ABLIM1: variants seen among roughly 807,000 people sequenced by gnomAD.
ABLIM1 encodes actin binding LIM protein 1.
A neutral mutation model predicts 107.0 loss-of-function variants in ABLIM1; 40 were observed. The observed-to-expected ratio is 0.37, with a 90% CI of 0.29 to 0.49. ABLIM1 has a LOEUF of 0.49. Ranked by LOEUF, ABLIM1 falls within the 20% of genes least tolerant of loss-of-function variation. ABLIM1 has a pLI of 0.97. For missense variants in ABLIM1, 857 were observed against 1,008.5 expected, an observed-to-expected ratio of 0.85 and a Z score of 2.04; for synonymous variants, 357 against 357.3, an observed-to-expected ratio of 1.00 and a Z score of 0.01.
intron 2 of ABLIM1, among the ~76,000 whole-genome samples, chr10:114,589,154 T>TA (rs199879862): frequency 0.022 from 3,354 of 151,214 alleles, 107 homozygotes; most frequent in African/African-American, 0.069. Context: ...ACAAGGATAT[T>TA]AAAAAAGAAA....
chr10:114,799,556 C>T, the ABLIM1 span, among the ~76,000 whole-genome samples: 1 of 152,204 alleles, frequency 6.6e-6, no homozygotes, highest in Non-Finnish European at 1.5e-5. Context: ...ATCTTAGCAT[C>T]ATCCTTTGCC....
chr10:114,712,860 C>T (rs549694191), intron 1 of ABLIM1, among the ~76,000 whole-genome samples: 2 of 152,096 alleles, frequency 1.3e-5, no homozygotes, highest in Admixed American at 6.6e-5. Context: ...AATGGATTGC[C>T]CCGACTTAGA....
At chr10:114,678,009 C>A (rs1158040065) in intron 1 of ABLIM1, among the ~76,000 whole-genome samples, 1 of 152,090 alleles carries the variant, frequency 6.6e-6, no homozygotes, top group East Asian at 1.9e-4. Context: ...GCATGGTTTC[C>A]TGATGGTTAA....
intron 1 of ABLIM1, among the ~76,000 whole-genome samples, chr10:114,617,564 A>G (rs1206010067): frequency 6.6e-6 from 1 of 151,892 alleles, no homozygotes; most frequent in African/African-American, 2.4e-5. Flanking sequence ...CACTGTGCCC[A>G]GCTTCTCACC....
At chr10:114,463,871 G>C (rs1027950259) in intron 12 of ABLIM1, among the ~76,000 whole-genome samples, 4 of 152,164 alleles carry the variant, frequency 2.6e-5, no homozygotes, top group African/African-American at 9.7e-5. Flanking sequence ...CTTCACTTTG[G>C]AAGGGCAGCC....
At chr10:114,584,300 T>G (rs980362285) in intron 2 of ABLIM1, among the ~76,000 whole-genome samples, 1 of 152,172 alleles carries the variant, frequency 6.6e-6, no homozygotes, top group Non-Finnish European at 1.5e-5. Flanking sequence ...TACCAAATGC[T>G]TCCCATCTTC....
the ABLIM1 span, chr10:114,776,271 C>T: frequency 6.6e-6 from 1 of 151,738 alleles, no homozygotes; most frequent in Non-Finnish European, 1.5e-5. Flanking sequence ...CTGCAGCTGC[C>T]CTTACTGTTG....
intron 1 of ABLIM1, among the ~76,000 whole-genome samples, chr10:114,729,385 T>C (rs964373825): frequency 6.6e-6 from 1 of 152,128 alleles, no homozygotes; most frequent in African/African-American, 2.4e-5. Flanking sequence ...ATGAGGACTC[T>C]ATTTTAAAAA....
At chr10:114,648,040 G>A (rs536287385) in intron 1 of ABLIM1, among the ~76,000 whole-genome samples, 21 of 152,320 alleles carry the variant, frequency 1.4e-4, no homozygotes, top group African/African-American at 3.8e-4. Flanking sequence ...TTCACTTTGA[G>A]GGAATAGCTT....
At chr10:114,443,691 A>G (rs1048806215) in intron 17 of ABLIM1, among the ~76,000 whole-genome samples, 19 of 150,312 alleles carry the variant, frequency 1.3e-4, no homozygotes, top group African/African-American at 2.0e-4. Context: ...AAAAAAAAAA[A>G]AAGAAGAAGA....
intron 1 of ABLIM1, among the ~76,000 whole-genome samples, chr10:114,751,266 T>G (rs2082504633): frequency 6.6e-6 from 1 of 151,950 alleles, no homozygotes; most frequent in Non-Finnish European, 1.5e-5. Flanking sequence ...ACAAAAGATG[T>G]AAGTCTGAGA....
intron 1 of ABLIM1, among the ~76,000 whole-genome samples, chr10:114,730,215 T>C (rs1243012143): frequency 6.6e-6 from 1 of 151,938 alleles, no homozygotes; most frequent in Non-Finnish European, 1.5e-5. Context: ...CTGGGAAACA[T>C]GGTGAAACCC....
At chr10:114,664,233 C>G (rs2079914034) in intron 1 of ABLIM1, among the ~76,000 whole-genome samples, 1 of 152,142 alleles carries the variant, frequency 6.6e-6, no homozygotes, top group African/African-American at 2.4e-5. Flanking sequence ...AAATCAGTGC[C>G]AGGCCCTTCT....
chr10:114,628,751 G>T (rs1185230116), intron 1 of ABLIM1, among the ~76,000 whole-genome samples: 2 of 152,158 alleles, frequency 1.3e-5, no homozygotes, highest in African/African-American at 2.4e-5. Flanking sequence ...TACTTAAAAT[G>T]AGTGTTTATA....
intron 13 of ABLIM1, among the ~76,000 whole-genome samples, chr10:114,452,208 T>C (rs923445340): frequency 2.6e-5 from 4 of 152,038 alleles, no homozygotes; most frequent in African/African-American, 9.7e-5. Context: ...GTTCAACAAA[T>C]CCTAATTTAT....
rs1555173409 is a variant in ABLIM1 at position 114,557,671 on chromosome 10, G to GTTTTGTTTTTTTTTTT, written c.674-9896_674-9895insAAAAAAAAAAACAAAA. ...TGACCCAATAGCTCCATAGTGAGGT[G>GTTTTGTTTTTTTTTTT]TTTTTTTTTTTTTTTTTTTTTTGGA... On this transcript the variant is annotated intron_variant, in intron 4 of 22. Transcript: ENST00000533213. 6.9e-5 allele frequency among the ~76,000 whole-genome samples: 5 copies of GTTTTGTTTTTTTTTTT among 72,484 alleles called. 2 individuals carry two copies. The highest frequency in any genetic ancestry group is 3.4e-4 in the African/African-American group (5 of 14,812). The allele number at this position is 72,484 out of a possible 152,430, so 47.6% of individuals were successfully genotyped here. A position where few individuals can be genotyped will look rare whatever the true frequency, so the allele number is the denominator to read the frequency against.
intron 3 of ABLIM1, among the ~76,000 whole-genome samples, chr10:114,575,071 T>C (rs553017560): frequency 3.3e-5 from 5 of 149,866 alleles, no homozygotes; most frequent in African/African-American, 1.3e-4. Context: ...CACACACACA[T>C]GCCTAGGAAT....
At chr10:114,680,768 T>C (rs1172349591) in intron 1 of ABLIM1, among the ~76,000 whole-genome samples, 1 of 152,238 alleles carries the variant, frequency 6.6e-6, no homozygotes, top group East Asian at 1.9e-4. Flanking sequence ...CTCAGGTCAT[T>C]ACATAATGTC....
chr10:114,475,684 G>A (rs2056254608), intron 8 of ABLIM1, among the ~76,000 whole-genome samples: 1 of 152,138 alleles, frequency 6.6e-6, no homozygotes, highest in Middle Eastern at 3.2e-3. Flanking sequence ...GTCGGCCTTT[G>A]GGAAGGATGA....
Sources: gnomAD v4.1 joint callset for allele counts (sites outside exome capture counted in the v4.1 genomes callset) on GRCh38, gnomAD v4.1.1 for gene constraint, MANE v1.5 for transcripts, NCBI Gene and HGNC (gene_info 2026-07-23, HGNC 2026-07-21) for gene names.